Variants in CAMK1D observed in about 807,000 individuals in gnomAD.
CAMK1D encodes calcium/calmodulin dependent protein kinase ID.
A neutral mutation model predicts 47.7 loss-of-function variants in CAMK1D; 9 were observed. The ratio of observed to expected loss-of-function variants is 0.19; its 90% CI spans 0.11 to 0.33. CAMK1D has a LOEUF of 0.33. CAMK1D is among the 10% of genes least tolerant of loss of function. CAMK1D has a pLI of 1.00. For synonymous variants in CAMK1D, 184 were observed against 184.9 expected (o/e 0.99, Z 0.04); for missense variants, 291 against 488.7 (o/e 0.60, Z 3.81).
intron 8 of CAMK1D, among the ~76,000 whole-genome samples, chr10:12,818,054 C>A (rs1832870385): frequency 6.6e-6 from 1 of 152,080 alleles, no homozygotes; most frequent in Non-Finnish European, 1.5e-5. Flanking sequence ...TCGTAAAATA[C>A]CAAAGATAAT....
At chr10:12,417,853 G>A (rs1564327097) in intron 1 of CAMK1D, among the ~76,000 whole-genome samples, 1 of 151,628 alleles carries the variant, frequency 6.6e-6, no homozygotes, top group African/African-American at 2.4e-5. Context: ...CCAGGCTGGA[G>A]TGCAGTGGCA....
chr10:12,547,140 C>T (rs953078963), intron 1 of CAMK1D, among the ~76,000 whole-genome samples: 8 of 151,850 alleles, frequency 5.3e-5, no homozygotes, highest in African/African-American at 1.7e-4. Flanking sequence ...GGAGATGGAG[C>T]GGAAATGGAC....
chr10:12,712,863 A>G (rs867764), intron 3 of CAMK1D, among the ~76,000 whole-genome samples: 54,949 of 151,970 alleles, frequency 0.36, 12,503 homozygotes, highest in Non-Finnish European at 0.49. Context: ...GAGAAAAGTA[A>G]AGCAGCGAAG....
At chr10:12,616,437 A>T (rs1838818920) in intron 2 of CAMK1D, among the ~76,000 whole-genome samples, 1 of 152,202 alleles carries the variant, frequency 6.6e-6, no homozygotes, top group Non-Finnish European at 1.5e-5. Flanking sequence ...TTAAGTAGCT[A>T]CTGTTTTTAC....
At chr10:12,478,188 T>A (rs1237741485) in intron 1 of CAMK1D, among the ~76,000 whole-genome samples, 1 of 151,950 alleles carries the variant, frequency 6.6e-6, no homozygotes, top group African/African-American at 2.4e-5. Context: ...TTGTATTTTT[T>A]TAGTAGAGAC....
chr10:12,579,483 T>A (rs1837597361), intron 2 of CAMK1D, among the ~76,000 whole-genome samples: 1 of 152,222 alleles, frequency 6.6e-6, no homozygotes, highest in African/African-American at 2.4e-5. Context: ...GCCTTTGGAA[T>A]GTGGTCAGAC....
intron 3 of CAMK1D, among the ~76,000 whole-genome samples, chr10:12,669,439 CAGA>C (rs1426687680): frequency 2.6e-5 from 4 of 152,060 alleles, no homozygotes; most frequent in South Asian, 4.2e-4. Context: ...CGCAGTAGTT[CAGA>C]AGGTTTATTT....
intron 1 of CAMK1D, among the ~76,000 whole-genome samples, chr10:12,424,238 C>A (rs895936902): frequency 2.0e-5 from 3 of 152,094 alleles, no homozygotes; most frequent in African/African-American, 7.2e-5. Context: ...TAAGTGAGCT[C>A]CATTGTCCCC....
intron 3 of CAMK1D, among the ~76,000 whole-genome samples, chr10:12,723,301 C>T (rs936196190): frequency 3.9e-5 from 6 of 152,158 alleles, no homozygotes; most frequent in African/African-American, 1.4e-4. Flanking sequence ...GAAAAGATGT[C>T]TGACCTCTTC....
chr10:12,523,831 A>G (rs1835525513), intron 1 of CAMK1D, among the ~76,000 whole-genome samples: 1 of 152,104 alleles, frequency 6.6e-6, no homozygotes, highest in Non-Finnish European at 1.5e-5. Flanking sequence ...CTTTATCTCT[A>G]CTGAGTCTTT....
At chr10:12,650,456 G>C (rs1159028187) in intron 2 of CAMK1D, among the ~76,000 whole-genome samples, 3 of 152,222 alleles carry the variant, frequency 2.0e-5, no homozygotes, top group African/African-American at 4.8e-5. Flanking sequence ...CAGGGACTGT[G>C]TTTTATCTAT....
chr10:12,452,912 T>G (rs1367515349), intron 1 of CAMK1D, among the ~76,000 whole-genome samples: 1 of 152,056 alleles, frequency 6.6e-6, no homozygotes, highest in Non-Finnish European at 1.5e-5. Context: ...ATGAAGTATA[T>G]TCACATTGTT....
At chr10:12,684,040 A>G (rs967823834) in intron 3 of CAMK1D, among the ~76,000 whole-genome samples, 1 of 152,196 alleles carries the variant, frequency 6.6e-6, no homozygotes, top group Admixed American at 6.5e-5. Flanking sequence ...AGGAATAGCA[A>G]AAATGAAGGA....
At chr10:12,640,232 G>GC (rs1423345010) in intron 2 of CAMK1D, among the ~76,000 whole-genome samples, 1 of 152,140 alleles carries the variant, frequency 6.6e-6, no homozygotes, top group Admixed American at 6.6e-5. Flanking sequence ...CTGGCAGCTT[G>GC]CCCCCACCCC....
chr10:12,365,031 T>C (rs999478649), intron 1 of CAMK1D, among the ~76,000 whole-genome samples: 1 of 151,624 alleles, frequency 6.6e-6, no homozygotes, highest in Admixed American at 6.6e-5. Context: ...ATCTTGACTC[T>C]CTGGAACCTC....
At chr10:12,555,502 G>A (rs1836732003) in intron 2 of CAMK1D, among the ~76,000 whole-genome samples, 1 of 152,214 alleles carries the variant, frequency 6.6e-6, no homozygotes, top group African/African-American at 2.4e-5. Context: ...GAGGATTGCA[G>A]GAAATGATTG....
chr10:12,679,067 T>A (rs1014899577), intron 3 of CAMK1D, among the ~76,000 whole-genome samples: 5 of 152,176 alleles, frequency 3.3e-5, no homozygotes, highest in African/African-American at 9.6e-5. Context: ...GGTCCAATAA[T>A]TTTTGACTTA....
At chr10:12,461,819 T>C (rs962061741) in intron 1 of CAMK1D, among the ~76,000 whole-genome samples, 3 of 152,246 alleles carry the variant, frequency 2.0e-5, no homozygotes, top group South Asian at 2.1e-4. Context: ...TTAGAGTAGA[T>C]GCCTTGAGTG....
intron 1 of CAMK1D, among the ~76,000 whole-genome samples, chr10:12,471,069 A>G (rs141818556): frequency 6.6e-6 from 1 of 150,652 alleles, no homozygotes; most frequent in Non-Finnish European, 1.5e-5. Flanking sequence ...TTCCCACATT[A>G]TTTTCCTCCA....
Sources: gnomAD v4.1 joint callset for allele counts (sites outside exome capture counted in the v4.1 genomes callset) on GRCh38, gnomAD v4.1.1 for gene constraint, MANE v1.5 for transcripts, NCBI Gene and HGNC (gene_info 2026-07-23, HGNC 2026-07-21) for gene names.